MAD2L1BP: variants seen among roughly 807,000 people sequenced by gnomAD.
MAD2L1BP encodes MAD2L1-binding protein.
MAD2L1BP carries 22 observed loss-of-function variants against 28.4 expected under a neutral mutation model. That is an observed-to-expected ratio of 0.77 (90% CI 0.55 to 1.10). The LOEUF is 1.10. Ranked by LOEUF, MAD2L1BP falls within the 50% of genes least tolerant of loss-of-function variation. The pLI is 0.00. For missense variants in MAD2L1BP, 325 were observed against 350.5 expected, an observed-to-expected ratio of 0.93 and a Z score of 0.58; for synonymous variants, 146 against 133.7, an observed-to-expected ratio of 1.09 and a Z score of -0.63.
rs377294656 is a variant in MAD2L1BP, at chr6:43,636,631, A to G, written c.297A>G (p.Arg99=). Residue 99 remains arginine, a synonymous_variant, in exon 2 of 3, where the codon CGA becomes CGG. Coordinates refer to ENST00000372171, the MANE Select transcript of MAD2L1BP (RefSeq NM_014628.3). The stretch of plus-strand genomic sequence containing the variant: ...ATGAACAGCTTAAGCACTTTTACCG[A>G]AAACCTTCTCCCCAGGTAGGCACAG... ...LPYEQLKHFY[R]KPSPQAEEML... 12 of 1,612,584 alleles carry G rather than the reference A, an allele frequency of 7.4e-6. No homozygotes were observed. Among genetic ancestry groups the G allele is most frequent in the Admixed American group, 5.0e-5 (3 of 59,948 alleles).
chr6:43,635,943 T>G (rs770120749), intron 1 of MAD2L1BP, 22 bp downstream of exon 1: 1 of 1,526,708 alleles, frequency 6.6e-7, no homozygotes, highest in Admixed American at 2.3e-5. Context: ...GGCCAAGAGT[T>G]TGGGGAGCCT....
upstream of MAD2L1BP, among the ~76,000 whole-genome samples, chr6:43,632,781 G>C (rs1263048840): frequency 6.6e-6 from 1 of 151,516 alleles, no homozygotes; most frequent in East Asian, 1.9e-4. Flanking sequence ...AGCACTTTGG[G>C]AGGCTGAGGC....
At chr6:43,633,285 G>C (rs1352526209), upstream of MAD2L1BP, 1 of 382,788 alleles carries the variant, frequency 2.6e-6, no homozygotes, top group African/African-American at 2.2e-5. Context: ...GGATTCTCCT[G>C]CCTCAGCCTC....
rs560591243 is a variant in MAD2L1BP, at chr6:43,629,867, C to T, written c.20+98C>T. ...TTATGCTACCTTTACATAGTAGTCA[C>T]TGCTTTATTACCAGGCTGGCACCGT... On this transcript the variant is annotated intron_variant, in intron 1 of 3. Coordinates refer to the MAD2L1BP transcript ENST00000451025. The T allele has an allele frequency of 1.1e-5, 16 of 1,406,752 alleles. 1 individual carries two copies. The South Asian group carries it at 2.1e-4, about 19-fold the overall frequency. 87.1% of individuals were successfully genotyped at this position (1,406,752 alleles called of 1,614,324 possible).
chr6:43,639,141 T>C, intron 2 of MAD2L1BP, among the ~76,000 whole-genome samples: 1 of 151,690 alleles, frequency 6.6e-6, no homozygotes, highest in East Asian at 1.9e-4. Flanking sequence ...CTTCATCTTC[T>C]TTCTTTTTTT....
upstream of MAD2L1BP, among the ~76,000 whole-genome samples, chr6:43,631,941 C>G (rs1274081914): frequency 6.6e-6 from 1 of 151,994 alleles, no homozygotes; most frequent in East Asian, 1.9e-4. Flanking sequence ...CTCTTGTTGC[C>G]CAGGCTGGAG....
At position 43,640,705 on chromosome 6, in the gene MAD2L1BP, T is replaced by C. The variant is rs1770513804; in HGVS notation, c.*172T>C. On this transcript the variant is annotated 3_prime_UTR_variant, in exon 3 of 3. Coordinates refer to ENST00000372171, the MANE Select transcript of MAD2L1BP (RefSeq NM_014628.3). ...TCCTGATAGGCTGATGGCATGTGGC[T>C]GTGACTGTGACTGTAATCATTGCTG... 1 of 610,644 alleles carries C rather than the reference T, an allele frequency of 1.6e-6. No homozygotes were observed. The highest frequency in any genetic ancestry group is 2.8e-6 in the Non-Finnish European group (1 of 357,798). The allele number at this position is 610,644 out of a possible 1,614,324, so 37.8% of individuals were successfully genotyped here.
chr6:43,629,774 G>C, intron 1 of MAD2L1BP: 2 of 1,563,206 alleles, frequency 1.3e-6, no homozygotes, highest in Non-Finnish European at 1.7e-6. Context: ...GCTGGGGTGA[G>C]TCAGGGCGAA....
In MAD2L1BP at chr6:43,636,708, G is replaced by C. The variant is rs571525900; in HGVS notation, c.312+62G>C. On this transcript the variant is annotated intron_variant, in intron 2 of 2. Coordinates refer to ENST00000372171, the MANE Select transcript of MAD2L1BP (RefSeq NM_014628.3). Reference sequence around the variant, plus strand: ...CTTTGTGGCTCTTAGATGGGAGGCAGGTAGAAAGGGGGTCTAAGAAATCTT... The same window carrying C: ...CTTTGTGGCTCTTAGATGGGAGGCACGTAGAAAGGGGGTCTAAGAAATCTT... 2.6e-6 allele frequency: 4 copies of C among 1,558,218 alleles called. No individual in the cohort carries two copies. The South Asian group carries it at 4.7e-5, about 18-fold the overall frequency.
At chr6:43,636,732 T>C in intron 2 of MAD2L1BP, 86 bp downstream of exon 2, 1 of 1,484,130 alleles carries the variant, frequency 6.7e-7, no homozygotes, top group Non-Finnish European at 9.2e-7. Context: ...CTAAGAAATC[T>C]TCAAAGCCTG....
intron 2 of MAD2L1BP, among the ~76,000 whole-genome samples, chr6:43,639,290 C>T (rs1327175928): frequency 1.3e-5 from 2 of 152,146 alleles, no homozygotes; most frequent in East Asian, 1.9e-4. Flanking sequence ...CAGGCATCCA[C>T]CACCACACTC....
intron 1 of MAD2L1BP, among the ~76,000 whole-genome samples, chr6:43,630,171 G>A (rs568847618): frequency 6.6e-6 from 1 of 152,216 alleles, no homozygotes; most frequent in Non-Finnish European, 1.5e-5. Context: ...ACTTGGCCTA[G>A]GGCCACAGGG....
At chr6:43,630,908 C>CAAAAAA (rs753239311), upstream of MAD2L1BP, among the ~76,000 whole-genome samples, 10 of 53,572 alleles carry the variant, frequency 1.9e-4, no homozygotes, top group African/African-American at 4.8e-4. Context: ...GACTTCGTCT[C>CAAAAAA]AAAAAAAAAA....
chr6:43,634,553 C>CT (rs968566882), upstream of MAD2L1BP, among the ~76,000 whole-genome samples: 5 of 151,682 alleles, frequency 3.3e-5, no homozygotes, highest in African/African-American at 1.2e-4. Context: ...CAGTCTCTTT[C>CT]TTTTTTTTCT....
chr6:43,639,551 C>T (rs1770453429), intron 2 of MAD2L1BP, among the ~76,000 whole-genome samples: 1 of 151,950 alleles, frequency 6.6e-6, no homozygotes, highest in Non-Finnish European at 1.5e-5. Context: ...CTCTTCTTTC[C>T]TTCATTTGTT....
In MAD2L1BP at chr6:43,636,426, T is replaced by C; in HGVS notation, c.92T>C (p.Ile31Thr). The C allele has an allele frequency of 6.2e-7, 1 of 1,614,180 alleles. No individual in the cohort carries two copies. Among genetic ancestry groups the C allele is most frequent in the South Asian group, 1.1e-5 (1 of 91,086 alleles). ...EKSEETHASQIELLETSSTQE... is the reference protein window; with the variant it reads ...EKSEETHASQTELLETSSTQE... The stretch of plus-strand genomic sequence containing the variant: ...TCCGAAGAAACTCACGCCTCCCAGA[T>C]AGAACTACTTGAGACAAGCTCTACG... Residue 31 changes from isoleucine (I) to threonine (T), a missense_variant, in exon 2 of 3, where the codon ATA becomes ACA. Coordinates refer to ENST00000372171, the MANE Select transcript of MAD2L1BP (RefSeq NM_014628.3).
At chr6:43,630,585 A>G (rs1423107088) in intron 1 of MAD2L1BP, among the ~76,000 whole-genome samples, 3 of 152,100 alleles carry the variant, frequency 2.0e-5, no homozygotes, top group Non-Finnish European at 4.4e-5. Flanking sequence ...TCTACTAAAA[A>G]TACAAAAATT....
intron 2 of MAD2L1BP, among the ~76,000 whole-genome samples, chr6:43,638,652 C>T (rs12209035): frequency 0.43 from 64,433 of 151,252 alleles, 14,651 homozygotes; most frequent in East Asian, 0.6. Flanking sequence ...AAAAATTAGC[C>T]GGGCGTGGTG....
In MAD2L1BP at chr6:43,636,503, C is replaced by T; in HGVS notation, c.169C>T (p.Pro57Ser). Reference sequence around the variant, plus strand: ...CTTTTGCCCAAGAGACTGCATGGTACCAGTGGTGTTTCCTGGGCCTGTGAG... The same window carrying T: ...CTTTTGCCCAAGAGACTGCATGGTATCAGTGGTGTTTCCTGGGCCTGTGAG... Reference protein sequence around the residue: ...EAFCPRDCMVPVVFPGPVSQE... With the variant: ...EAFCPRDCMVSVVFPGPVSQE... The change falls in exon 2 of 3, where the codon CCA (proline) becomes TCA (serine). Residue 57 changes from proline (P) to serine (S), a missense_variant. Transcript: ENST00000372171. The T allele has an allele frequency of 6.2e-7, 1 of 1,614,186 alleles. No individual in the cohort carries two copies. Among genetic ancestry groups the T allele is most frequent in the Non-Finnish European group, 8.5e-7 (1 of 1,180,044 alleles).
Sources: gnomAD v4.1 joint callset for allele counts (sites outside exome capture counted in the v4.1 genomes callset) on GRCh38, gnomAD v4.1.1 for gene constraint, MANE v1.5 for transcripts, NCBI Gene and HGNC (gene_info 2026-07-23, HGNC 2026-07-21) for gene names.